Variants in TNIK observed in about 807,000 individuals in gnomAD.
TNIK encodes the protein TRAF2 and NCK interacting kinase.
TNIK carries 49 observed loss-of-function variants against 191.3 expected under a neutral mutation model. The ratio of observed to expected loss-of-function variants is 0.26; its 90% CI spans 0.20 to 0.32. The LOEUF (loss-of-function observed/expected upper bound fraction) is 0.32, where lower values mean the gene tolerates loss of function less well. TNIK is among the 10% of genes least tolerant of loss of function. The probability of loss-of-function intolerance (pLI) is 1.00; values close to 1 mark genes in which losing one functional copy is unlikely to be tolerated. For synonymous variants in TNIK, 594 were observed against 600.9 expected (o/e 0.99, Z 0.17); for missense variants, 1,155 against 1,702.3 (o/e 0.68, Z 5.66).
At chr3:171,147,763 G>A (rs1304445376) in intron 12 of TNIK, among the ~76,000 whole-genome samples, 1 of 152,132 alleles carries the variant, frequency 6.6e-6, no homozygotes, top group Non-Finnish European at 1.5e-5. Context: ...TGACAGTTAA[G>A]GAAACTGAGG....
chr3:171,157,473 C>T lies in TNIK; in HGVS notation c.1208G>A (p.Arg403Gln), dbSNP rs752961541. Residue 403 changes from arginine to glutamine, a missense_variant, in exon 12 of 33, where the codon CGG (arginine) becomes CAG (glutamine). Transcript: ENST00000436636. Reference protein sequence around the residue: ...KRIEEQKEQRRRLEEQQRREK... With the variant: ...KRIEEQKEQRQRLEEQQRREK... ...GCAGGTCCTCACCTCCTCCAGCCGC[C>T]GCCTCTGCTCTTTCTGCTCCTCGAT... 10 of 1,565,732 alleles carry T rather than the reference C, an allele frequency of 6.4e-6. No individual in the cohort carries two copies. The highest frequency in any genetic ancestry group is 2.7e-5 in the African/African-American group (2 of 73,548).
At chr3:171,082,436 C>CTT in intron 26 of TNIK, 42 bp from the exon 27 acceptor site, 1 of 1,592,654 alleles carries the variant, frequency 6.3e-7, no homozygotes, top group Non-Finnish European at 8.6e-7. Flanking sequence ...TTTTCATGAA[C>CTT]TTTAATCTTC....
At position 171,451,973 on chromosome 3, in the gene TNIK, A is replaced by G. The variant is rs146595039; in HGVS notation, c.57+8034T>C. Among the ~76,000 whole-genome samples, 32 of 152,340 alleles carry G rather than the reference A, an allele frequency of 2.1e-4. 1 individual carries two copies. In the East Asian group the frequency reaches 6.2e-3, roughly 29 times the overall value. ...CACTAATCAAACAAATGTTTGTAACATATGCAATGTATTGTTAAAGTCTAC... is the reference window on the plus strand; with the variant it reads ...CACTAATCAAACAAATGTTTGTAACGTATGCAATGTATTGTTAAAGTCTAC... On this transcript the variant is annotated intron_variant, in intron 1 of 32. Transcript: ENST00000436636.
At chr3:171,079,696 T>G in intron 27 of TNIK, 44 bp from the exon 28 acceptor site, 1 of 1,554,658 alleles carries the variant, frequency 6.4e-7, no homozygotes, top group Non-Finnish European at 8.7e-7. Flanking sequence ...CTGTGACAGC[T>G]CTCACTTTTT....
chr3:171,168,714 T>C (rs941238667), intron 9 of TNIK, among the ~76,000 whole-genome samples: 8 of 152,172 alleles, frequency 5.3e-5, no homozygotes, highest in Admixed American at 1.3e-4. Flanking sequence ...GGACTAGAAA[T>C]AGTGACAGCA....
chr3:171,395,229 G>T (rs904567314), intron 1 of TNIK, among the ~76,000 whole-genome samples: 1 of 152,124 alleles, frequency 6.6e-6, no homozygotes, highest in Non-Finnish European at 1.5e-5. Context: ...AGACAGACAC[G>T]GGGTGAAATT....
intron 5 of TNIK, 84 bp from the exon 6 acceptor site, chr3:171,190,871 A>G: frequency 1.1e-6 from 1 of 944,668 alleles, no homozygotes; most frequent in Non-Finnish European, 1.6e-6. Flanking sequence ...AGGATCCAAA[A>G]ACTTTACACT....
chr3:171,121,213 T>G (rs1369149672), intron 18 of TNIK, among the ~76,000 whole-genome samples: 1 of 152,168 alleles, frequency 6.6e-6, no homozygotes, highest in Non-Finnish European at 1.5e-5. Context: ...AAGCAACACC[T>G]TTTAAAGTGG....
intron 2 of TNIK, among the ~76,000 whole-genome samples, chr3:171,341,857 C>T (rs908131993): frequency 7.9e-5 from 12 of 152,284 alleles, no homozygotes; most frequent in Admixed American, 7.2e-4. Context: ...CAACAGAGAT[C>T]TCCTGAAGTT....
chr3:171,444,842 T>C (rs1367789954), intron 1 of TNIK, among the ~76,000 whole-genome samples: 1 of 152,182 alleles, frequency 6.6e-6, no homozygotes, highest in Non-Finnish European at 1.5e-5. Context: ...TTTTCAGGCA[T>C]ACCCAAATTT....
chr3:171,414,475 C>T (rs1217332285), intron 1 of TNIK, among the ~76,000 whole-genome samples: 1 of 152,214 alleles, frequency 6.6e-6, no homozygotes, highest in Non-Finnish European at 1.5e-5. Flanking sequence ...TACCTTAGAC[C>T]TGCTGGATGC....
chr3:171,165,453 C>T (rs534411694), intron 10 of TNIK, among the ~76,000 whole-genome samples: 16 of 150,610 alleles, frequency 1.1e-4, no homozygotes, highest in African/African-American at 3.2e-4. Context: ...CTTTCTGGAA[C>T]CTTCACTGAG....
Position 171,357,138 on chromosome 3 carries a change from G to A in TNIK, c.123+12482C>T, listed in dbSNP as rs376277531. Reference sequence around the variant, plus strand: ...TCTTCTGTCATATTAGATGGTAGGCGGACACTGTTTTTACTTATCAGGTAT... The same window carrying A: ...TCTTCTGTCATATTAGATGGTAGGCAGACACTGTTTTTACTTATCAGGTAT... On this transcript the variant is annotated intron_variant, in intron 2 of 32. Coordinates refer to ENST00000436636, the MANE Select transcript of TNIK (RefSeq NM_015028.4). 5.3e-4 allele frequency among the ~76,000 whole-genome samples: 81 copies of A among 152,144 alleles called. No homozygotes were observed. In the South Asian group the frequency reaches 0.016, roughly 31 times the overall value.
intron 1 of TNIK, among the ~76,000 whole-genome samples, chr3:171,377,442 T>C (rs1249135159): frequency 6.6e-6 from 1 of 152,212 alleles, no homozygotes. Context: ...AGTCGGCCTT[T>C]AGAACTGGAT....
chr3:171,342,875 T>C (rs369932040), intron 2 of TNIK, among the ~76,000 whole-genome samples: 13 of 152,294 alleles, frequency 8.5e-5, no homozygotes, highest in African/African-American at 3.1e-4. Flanking sequence ...TGTTGGTTTT[T>C]CCCATGCTGT....
At chr3:171,408,464 C>T (rs149471572) in intron 1 of TNIK, among the ~76,000 whole-genome samples, 8 of 152,282 alleles carry the variant, frequency 5.3e-5, no homozygotes, top group East Asian at 1.9e-4. Context: ...CGATTCATTC[C>T]GCCATGAAGG....
intron 1 of TNIK, among the ~76,000 whole-genome samples, chr3:171,380,748 C>A (rs1341984985): frequency 6.6e-6 from 1 of 152,248 alleles, no homozygotes; most frequent in East Asian, 1.9e-4. Flanking sequence ...GAGTTGTGCA[C>A]ACTGAAAGGG....
chr3:171,063,767 G>T lies in TNIK; in HGVS notation c.*114C>A. On this transcript the variant is annotated 3_prime_UTR_variant, in exon 33 of 33. Transcript: ENST00000436636. ...CGGAGGGAGAGGAAAAAGGGAAAGC[G>T]ATATGTTCAACCAAGCCTTCTGATT... The T allele has an allele frequency of 2.0e-6, 2 of 1,008,496 alleles. No individual in the cohort carries two copies. The highest frequency in any genetic ancestry group is 2.9e-6 in the Non-Finnish European group (2 of 684,202). 62.5% of individuals were successfully genotyped at this position (1,008,496 alleles called of 1,614,324 possible).
intron 2 of TNIK, among the ~76,000 whole-genome samples, chr3:171,346,322 T>C (rs1712181351): frequency 6.6e-6 from 1 of 152,248 alleles, no homozygotes; most frequent in Non-Finnish European, 1.5e-5. Context: ...AGCTGTATTA[T>C]GTAACCTTGT....
Sources: gnomAD v4.1 joint callset for allele counts (sites outside exome capture counted in the v4.1 genomes callset) on GRCh38, gnomAD v4.1.1 for gene constraint, MANE v1.5 for transcripts, NCBI Gene and HGNC (gene_info 2026-07-23, HGNC 2026-07-21) for gene names.